Variants in TMEM132B observed in about 807,000 individuals in gnomAD.
TMEM132B encodes transmembrane protein 132B.
Under a neutral mutation model 90.8 loss-of-function variants are expected in TMEM132B, and 18 were observed. That is an observed-to-expected ratio of 0.20 (90% CI 0.14 to 0.29). The LOEUF is 0.29. Among genes scored for constraint, TMEM132B ranks in the 10% least tolerant of loss-of-function variants. TMEM132B has a pLI of 1.00. For synonymous variants in TMEM132B, 504 were observed against 523.3 expected (o/e 0.96, Z 0.50); for missense variants, 1,096 against 1,326.8 (o/e 0.83, Z 2.70).
intron 5 of TMEM132B, among the ~76,000 whole-genome samples, chr12:125,595,612 C>A (rs2136905646): frequency 6.6e-6 from 1 of 152,210 alleles, no homozygotes; most frequent in East Asian, 1.9e-4. Context: ...TTGCACCAAC[C>A]AATGATACTC....
chr12:125,379,517 T>A (rs927431667), intron 2 of TMEM132B, among the ~76,000 whole-genome samples: 1 of 152,206 alleles, frequency 6.6e-6, no homozygotes, highest in African/African-American at 2.4e-5. Context: ...AAAATGGATA[T>A]TCTCCTTGGC....
intron 4 of TMEM132B, among the ~76,000 whole-genome samples, chr12:125,545,708 T>G (rs1884074135): frequency 6.6e-6 from 1 of 152,134 alleles, no homozygotes. Flanking sequence ...CTTGCCACCA[T>G]GAAGGGAGAG....
At chr12:125,650,422 A>G (rs1211110671) in intron 6 of TMEM132B, among the ~76,000 whole-genome samples, 1 of 152,190 alleles carries the variant, frequency 6.6e-6, no homozygotes, top group Non-Finnish European at 1.5e-5. Flanking sequence ...CGCCAAGACC[A>G]GAGCCTCAGC....
intron 3 of TMEM132B, among the ~76,000 whole-genome samples, chr12:125,457,717 T>A (rs1183093994): frequency 7.2e-5 from 11 of 152,120 alleles, no homozygotes; most frequent in Admixed American, 6.5e-4. Flanking sequence ...GAGAGCATCC[T>A]GGGGCAGAGG....
At chr12:125,202,068 G>C (rs1255349251) in intron 1 of TMEM132B, among the ~76,000 whole-genome samples, 1 of 152,112 alleles carries the variant, frequency 6.6e-6, no homozygotes, top group East Asian at 1.9e-4. Context: ...CCTCCCATGG[G>C]CCAGTTCATG....
At chr12:125,275,726 T>C (rs1874968569) in intron 1 of TMEM132B, among the ~76,000 whole-genome samples, 1 of 152,178 alleles carries the variant, frequency 6.6e-6, no homozygotes, top group Non-Finnish European at 1.5e-5. Flanking sequence ...AATGTGTTTT[T>C]TTTGGGAGAC....
At chr12:125,475,172 TGGG>T (rs1341693742) in intron 3 of TMEM132B, among the ~76,000 whole-genome samples, 6 of 152,014 alleles carry the variant, frequency 3.9e-5, no homozygotes, top group Non-Finnish European at 8.8e-5. Flanking sequence ...GTGTGTGTGT[TGGG>T]GGGAAGAGGA....
At chr12:125,489,986 C>T (rs1332852688) in intron 3 of TMEM132B, among the ~76,000 whole-genome samples, 2 of 152,158 alleles carry the variant, frequency 1.3e-5, no homozygotes, top group African/African-American at 4.8e-5. Flanking sequence ...ATTTGTAGGA[C>T]ACTCTTCAAA....
intron 1 of TMEM132B, among the ~76,000 whole-genome samples, chr12:125,260,186 G>T (rs909756388): frequency 1.3e-5 from 2 of 152,110 alleles, no homozygotes; most frequent in Non-Finnish European, 2.9e-5. Context: ...TTACATGTTT[G>T]GTCAACGTTT....
intron 1 of TMEM132B, among the ~76,000 whole-genome samples, chr12:125,253,320 T>G (rs1023598387): frequency 1.3e-5 from 2 of 152,232 alleles, no homozygotes; most frequent in African/African-American, 2.4e-5. Flanking sequence ...TAGCCAGTTA[T>G]TCGTCTGTGC....
chr12:125,514,362 G>A (rs1424945997), intron 3 of TMEM132B, among the ~76,000 whole-genome samples: 1 of 152,198 alleles, frequency 6.6e-6, no homozygotes, highest in Non-Finnish European at 1.5e-5. Flanking sequence ...CCTCATGGAG[G>A]TCATGGTCGA....
intron 5 of TMEM132B, among the ~76,000 whole-genome samples, chr12:125,601,242 A>G (rs962046787): frequency 1.3e-5 from 2 of 152,232 alleles, no homozygotes; most frequent in African/African-American, 4.8e-5. Flanking sequence ...GCAAATGCAA[A>G]TGAACTGAAA....
chr12:125,608,921 T>A (rs1885761189), intron 5 of TMEM132B, among the ~76,000 whole-genome samples: 1 of 152,098 alleles, frequency 6.6e-6, no homozygotes, highest in Admixed American at 6.5e-5. Context: ...TACTAGAGAC[T>A]GGGTAATTTA....
At chr12:125,420,561 G>T (rs2136374793) in intron 3 of TMEM132B, among the ~76,000 whole-genome samples, 1 of 152,278 alleles carries the variant, frequency 6.6e-6, no homozygotes, top group East Asian at 1.9e-4. Flanking sequence ...TTTTCCCTGG[G>T]CTTCTGGGCC....
chr12:125,396,837 CA>C (rs1879182383), intron 2 of TMEM132B, among the ~76,000 whole-genome samples: 2 of 152,208 alleles, frequency 1.3e-5, no homozygotes, highest in African/African-American at 4.8e-5. Flanking sequence ...CCCAATTTTA[CA>C]GGTGAGGAAA....
At chr12:125,218,769 G>GTTTTTTTTTTTTT (rs34905706) in intron 1 of TMEM132B, among the ~76,000 whole-genome samples, 2 of 108,854 alleles carry the variant, frequency 1.8e-5, no homozygotes, top group African/African-American at 3.5e-5. Flanking sequence ...TGTTGAAGCT[G>GTTTTTTTTTTTTT]TTTTTTTTTT....
chr12:125,489,697 C>A (rs1157010978), intron 3 of TMEM132B, among the ~76,000 whole-genome samples: 2 of 152,186 alleles, frequency 1.3e-5, no homozygotes, highest in Admixed American at 1.3e-4. Context: ...CAGTCATGAT[C>A]CGCCATGCCA....
At position 125,406,094 on chromosome 12, in the gene TMEM132B, T is replaced by C. The variant is rs1879466244; in HGVS notation, c.960-9437T>C. Reference sequence around the variant, plus strand: ...CTAAGTTCTTCCACTGTGGGCTGTTTGGTTAACTCAAACGTTAGTAGATAT... The same window carrying C: ...CTAAGTTCTTCCACTGTGGGCTGTTCGGTTAACTCAAACGTTAGTAGATAT... On this transcript the variant is annotated intron_variant, in intron 2 of 8. Transcript: ENST00000682704. The surrounding 1 kb of genome is among the most constrained non-coding windows in gnomAD (Gnocchi z 8.3). Among the ~76,000 whole-genome samples the C allele has an allele frequency of 6.6e-6, 1 of 152,244 alleles. No homozygotes were observed. Among genetic ancestry groups the C allele is most frequent in the Non-Finnish European group, 1.5e-5 (1 of 68,038 alleles).
intron 1 of TMEM132B, among the ~76,000 whole-genome samples, chr12:125,196,289 T>C (rs1011262494): frequency 5.9e-5 from 9 of 152,254 alleles, no homozygotes; most frequent in Non-Finnish European, 1.3e-4. Flanking sequence ...TTCTTAGTGA[T>C]GAAATTAACA....
Sources: allele counts gnomAD v4.1 joint callset (sites outside exome capture counted in the v4.1 genomes callset), GRCh38; gene constraint gnomAD v4.1.1; non-coding constraint Gnocchi (gnomAD v3.1); transcripts MANE v1.5; gene names NCBI Gene and HGNC (gene_info 2026-07-23, HGNC 2026-07-21).